PTPN2: variants seen among roughly 807,000 people sequenced by gnomAD.
PTPN2 encodes tyrosine-protein phosphatase non-receptor type 2.
A neutral mutation model predicts 57.3 loss-of-function variants in PTPN2; 19 were observed. The observed-to-expected ratio is 0.33, with a 90% confidence interval of 0.23 to 0.49. The LOEUF (loss-of-function observed/expected upper bound fraction) is 0.49, where lower values mean the gene tolerates loss of function less well. Among genes scored for constraint, PTPN2 ranks in the 20% least tolerant of loss-of-function variants. The pLI is 0.99. For missense variants in PTPN2, 358 were observed against 501.1 expected (o/e 0.71, Z 2.73); for synonymous variants, 153 against 164.9 (o/e 0.93, Z 0.55).
intron 8 of PTPN2, among the ~76,000 whole-genome samples, chr18:12,801,047 C>T (rs954317101): frequency 3.9e-5 from 6 of 152,164 alleles, no homozygotes; most frequent in Admixed American, 2.6e-4. Context: ...GGTATTCATA[C>T]TACTTATTTT....
intron 2 of PTPN2, among the ~76,000 whole-genome samples, chr18:12,841,560 C>T (rs1182208538): frequency 1.3e-5 from 2 of 152,192 alleles, no homozygotes; most frequent in South Asian, 2.1e-4. Flanking sequence ...CACAGCTTTG[C>T]TAATAAAGTA....
chr18:12,836,156 T>G (rs1055363451), intron 3 of PTPN2, among the ~76,000 whole-genome samples: 1 of 152,262 alleles, frequency 6.6e-6, no homozygotes, highest in Non-Finnish European at 1.5e-5. Context: ...TAATCAAGTC[T>G]TTATTACTTG....
chr18:12,826,025 C>G, intron 4 of PTPN2, 81 bp from the exon 5 acceptor site: 1 of 1,111,692 alleles, frequency 9.0e-7, no homozygotes, highest in Non-Finnish European at 1.3e-6. Context: ...GAAAACAAAC[C>G]AGATATATAC....
Position 12,874,941 on chromosome 18 carries a change from T to C in PTPN2, c.69+9132A>G, listed in dbSNP as rs569723114. 5.2e-3 allele frequency among the ~76,000 whole-genome samples: 789 copies of C among 152,258 alleles called. 11 individuals are homozygous for C. Among genetic ancestry groups the C allele is most frequent in the African/African-American group, 0.018 (758 of 41,518 alleles). ...GTGGAAAGAAGTAGACATGGGAGACTTTTCATTTTGTTCTGTACTAAGAAA... is the reference window on the plus strand; with the variant it reads ...GTGGAAAGAAGTAGACATGGGAGACCTTTCATTTTGTTCTGTACTAAGAAA... On this transcript the variant is annotated intron_variant, in intron 1 of 8. Coordinates refer to ENST00000309660, the MANE Select transcript of PTPN2 (RefSeq NM_002828.4).
rs150641661 is a variant in PTPN2 at position 12,884,118 on chromosome 18, C to G, written c.24G>C (p.Glu8Asp). 1 of 1,588,722 alleles carries G rather than the reference C, an allele frequency of 6.3e-7. No individual in the cohort carries two copies. Among genetic ancestry groups the G allele is most frequent in the South Asian group, 1.1e-5 (1 of 87,470 alleles). Residue 8 changes from glutamate (E) to aspartate (D), a missense_variant, in exon 1 of 9, where the codon GAG becomes GAC. By Grantham distance (45) the Glu-to-Asp change is conservative. Coordinates refer to ENST00000309660, the MANE Select transcript of PTPN2 (RefSeq NM_002828.4). MPTTIEREFEELDTQRRW... is the reference protein window; with the variant it reads MPTTIERDFEELDTQRRW... ...GACGCTGAGTATCCAACTCTTCGAA[C>G]TCCCGCTCGATGGTGGTGGGCATGG...
At chr18:12,822,701 G>T (rs559637369) in intron 5 of PTPN2, among the ~76,000 whole-genome samples, 1 of 152,248 alleles carries the variant, frequency 6.6e-6, no homozygotes, top group African/African-American at 2.4e-5. Flanking sequence ...AGAGATCTGC[G>T]TGTTGAGATT....
chr18:12,825,706 A>T (rs4239309), intron 5 of PTPN2, 104 bp downstream of exon 5: 1,058,297 of 1,071,096 alleles, frequency 0.99, 523,833 homozygotes, highest in East Asian at 1. Context: ...ATACTATAGG[A>T]ATTATCCAAA....
At position 12,792,378 on chromosome 18, in the gene PTPN2, GT is replaced by G. The variant is rs1229449378; in HGVS notation, c.*1899del. On this transcript the variant is annotated 3_prime_UTR_variant, in exon 9 of 9. Transcript: ENST00000309660. ...GCTCACTGCAACCTCTGCCTCCCGGGTTCAAGTGATTCTCCTGCCTTAGCCT... is the reference window on the plus strand; with the variant it reads ...GCTCACTGCAACCTCTGCCTCCCGGGTCAAGTGATTCTCCTGCCTTAGCCT... The G allele has an allele frequency of 6.2e-6, 2 of 323,626 alleles. No homozygotes were observed. Among genetic ancestry groups the G allele is most frequent in the African/African-American group, 4.5e-5 (2 of 44,258 alleles). 20.0% of individuals were successfully genotyped at this position (323,626 alleles called of 1,614,324 possible).
chr18:12,813,021 T>TA (rs35939490), intron 7 of PTPN2, among the ~76,000 whole-genome samples: 3,821 of 147,122 alleles, frequency 0.026, 153 homozygotes, highest in African/African-American at 0.091. Flanking sequence ...ACACAAAACT[T>TA]AAAAAAAAAA....
At chr18:12,883,902 G>C in intron 1 of PTPN2, 171 bp downstream of exon 1, 1 of 505,514 alleles carries the variant, frequency 2.0e-6, no homozygotes, top group Non-Finnish European at 3.5e-6. Context: ...ACCAAAAGGA[G>C]CAAGAGAGCG....
At chr18:12,876,411 A>G (rs1301452661) in intron 1 of PTPN2, among the ~76,000 whole-genome samples, 1 of 151,820 alleles carries the variant, frequency 6.6e-6, no homozygotes, top group Non-Finnish European at 1.5e-5. Flanking sequence ...GTCTGCAGTG[A>G]CCTACGATCG....
At chr18:12,870,308 T>TAC (rs1243516387) in intron 1 of PTPN2, among the ~76,000 whole-genome samples, 3 of 85,312 alleles carry the variant, frequency 3.5e-5, no homozygotes, top group Admixed American at 1.1e-4. Flanking sequence ...TGTGTATATA[T>TAC]ACATATATAT....
intron 2 of PTPN2, among the ~76,000 whole-genome samples, chr18:12,853,983 T>C (rs2043484304): frequency 6.6e-6 from 1 of 152,078 alleles, no homozygotes; most frequent in African/African-American, 2.4e-5. Flanking sequence ...GGAGATGGGT[T>C]TGGAGGCTAC....
chr18:12,816,656 GA>G (rs1225875662), intron 6 of PTPN2, among the ~76,000 whole-genome samples: 2 of 152,170 alleles, frequency 1.3e-5, no homozygotes, highest in Admixed American at 1.3e-4. Flanking sequence ...GCACAGACAG[GA>G]ACCTCAGGGG....
At chr18:12,815,970 T>C (rs1390653508) in intron 6 of PTPN2, among the ~76,000 whole-genome samples, 3 of 152,180 alleles carry the variant, frequency 2.0e-5, no homozygotes, top group Non-Finnish European at 4.4e-5. Flanking sequence ...TACAGAAACA[T>C]CGAAGAGACT....
Position 12,868,315 on chromosome 18 carries a change from G to A in PTPN2, c.70-9061C>T, listed in dbSNP as rs564804922. ...ACTGGAGAGACTGGAGTGAAGTGGC[G>A]CCATCTCAGCTCACTGTAACCTCCG... is the stretch of plus-strand genomic sequence containing the variant. On this transcript the variant is annotated intron_variant, in intron 1 of 8. Transcript: ENST00000309660. Among the ~76,000 whole-genome samples, 193 of 152,070 alleles carry A rather than the reference G, an allele frequency of 1.3e-3. 1 individual carries two copies. The highest frequency in any genetic ancestry group is 0.01 in the Middle Eastern group (3 of 294).
Position 12,882,010 on chromosome 18 carries a change from C to A in PTPN2, c.69+2063G>T, listed in dbSNP as rs143805202. Reference sequence around the variant, plus strand: ...AGAATAAGCCCTAGAGTGAGCACCTCGAGGGTAGGAAACTTGCCAGGAGCA... The same window carrying A: ...AGAATAAGCCCTAGAGTGAGCACCTAGAGGGTAGGAAACTTGCCAGGAGCA... On this transcript the variant is annotated intron_variant, in intron 1 of 8. Coordinates refer to ENST00000309660, the MANE Select transcript of PTPN2 (RefSeq NM_002828.4). Among the ~76,000 whole-genome samples, 8 of 152,230 alleles carry A rather than the reference C, an allele frequency of 5.3e-5. 1 individual carries two copies. The East Asian group carries it at 1.5e-3, about 29-fold the overall frequency.
intron 1 of PTPN2, among the ~76,000 whole-genome samples, chr18:12,878,663 C>T (rs2044572774): frequency 6.6e-6 from 1 of 152,066 alleles, no homozygotes; most frequent in East Asian, 1.9e-4. Context: ...CAGAGCAAGA[C>T]TTGGTTTCAA....
chr18:12,855,876 A>G (rs1451905402), intron 2 of PTPN2, among the ~76,000 whole-genome samples: 2 of 152,234 alleles, frequency 1.3e-5, no homozygotes, highest in African/African-American at 4.8e-5. Flanking sequence ...GTTAGAGGAC[A>G]AAGTAATATG....
Sources: allele counts gnomAD v4.1 joint callset (sites outside exome capture counted in the v4.1 genomes callset), GRCh38; gene constraint gnomAD v4.1.1; transcripts MANE v1.5; gene names NCBI Gene and HGNC (gene_info 2026-07-23, HGNC 2026-07-21).